The following SRGAP3 variants were observed in gnomAD, a reference collection of about 807,000 sequenced individuals.
SRGAP3 encodes SLIT-ROBO Rho GTPase activating protein 3.
A neutral mutation model predicts 121.1 loss-of-function variants in SRGAP3; 39 were observed. The observed-to-expected ratio is 0.32, with a 90% CI of 0.25 to 0.42. The LOEUF is 0.42. Among genes scored for constraint, SRGAP3 ranks in the 10% least tolerant of loss-of-function variants. The pLI is 1.00. For synonymous variants in SRGAP3, 601 were observed against 570.0 expected (o/e 1.05, Z -0.77); for missense variants, 1,213 against 1,470.6 (o/e 0.82, Z 2.86).
intron 1 of SRGAP3, among the ~76,000 whole-genome samples, chr3:9,172,254 C>T (rs1233797847): frequency 1.3e-5 from 2 of 151,896 alleles, no homozygotes; most frequent in East Asian, 1.9e-4. Flanking sequence ...CCACCATGCC[C>T]AGCTAATGGC....
At chr3:9,060,635 T>G (rs1215140284) in intron 5 of SRGAP3, among the ~76,000 whole-genome samples, 1 of 152,158 alleles carries the variant, frequency 6.6e-6, no homozygotes, top group Non-Finnish European at 1.5e-5. Flanking sequence ...TGGTGGGGTC[T>G]CACTATGTTG....
In SRGAP3 at chr3:9,098,220, A is replaced by G. The variant is rs574393460; in HGVS notation, c.423+6460T>C. The stretch of plus-strand genomic sequence containing the variant: ...GTCTCTGCTTTCAGACTGCACTGGA[A>G]GCTCCTTGAGGGAGAGGAGGACATT... On this transcript the variant is annotated intron_variant, in intron 3 of 21. Coordinates refer to ENST00000383836, the MANE Select transcript of SRGAP3 (RefSeq NM_014850.4). Among the ~76,000 whole-genome samples the G allele has an allele frequency of 2.1e-3, 321 of 152,310 alleles. 1 individual carries two copies. Among genetic ancestry groups the G allele is most frequent in the South Asian group, 4.1e-3 (20 of 4,824 alleles).
At chr3:9,105,650 C>T (rs1389183131) in intron 2 of SRGAP3, among the ~76,000 whole-genome samples, 1 of 152,150 alleles carries the variant, frequency 6.6e-6, no homozygotes, top group Non-Finnish European at 1.5e-5. Context: ...TTACCAAGCC[C>T]TCCAGGGGAT....
At chr3:9,347,055 A>G (rs1376701690) in intron 1 of SRGAP3, among the ~76,000 whole-genome samples, 1 of 152,032 alleles carries the variant, frequency 6.6e-6, no homozygotes, top group Non-Finnish European at 1.5e-5. Flanking sequence ...CGCCCTCCCA[A>G]AGTGCTGGGA....
chr3:9,191,335 T>C (rs2125138328), intron 1 of SRGAP3, among the ~76,000 whole-genome samples: 1 of 152,364 alleles, frequency 6.6e-6, no homozygotes, highest in Middle Eastern at 3.4e-3. Flanking sequence ...CTTTTATCAT[T>C]GGAAAAACAT....
chr3:9,341,732 C>G (rs994559706), intron 1 of SRGAP3, among the ~76,000 whole-genome samples: 1 of 152,158 alleles, frequency 6.6e-6, no homozygotes, highest in African/African-American at 2.4e-5. Context: ...CTCCTGACCT[C>G]AAGCAATCCA....
chr3:9,027,999 G>C, intron 12 of SRGAP3: 3 of 1,373,960 alleles, frequency 2.2e-6, no homozygotes, highest in Non-Finnish European at 3.1e-6. Context: ...CAAGAATATG[G>C]ACCCATCAGC....
intron 3 of SRGAP3, among the ~76,000 whole-genome samples, chr3:9,311,105 G>A (rs752536332): frequency 1.3e-5 from 2 of 151,946 alleles, no homozygotes; most frequent in Non-Finnish European, 2.9e-5. Flanking sequence ...AGGAGGTGGA[G>A]GTTGCAGTGA....
intron 3 of SRGAP3, among the ~76,000 whole-genome samples, chr3:9,278,413 C>T (rs1954620500): frequency 6.6e-6 from 1 of 152,114 alleles, no homozygotes; most frequent in African/African-American, 2.4e-5. Context: ...GCAGAGAGTC[C>T]CACTTGCCAC....
chr3:9,362,188 T>C (rs1271210984), intron 1 of SRGAP3, among the ~76,000 whole-genome samples: 4 of 134,722 alleles, frequency 3.0e-5, no homozygotes, highest in Non-Finnish European at 4.7e-5. Flanking sequence ...TTTTTTTTTT[T>C]TGAGATGATG....
In SRGAP3 at chr3:8,990,574, C is replaced by A. The variant is rs371641995; in HGVS notation, c.2824G>T (p.Gly942Cys). Reference sequence around the variant, plus strand: ...CCTAGGCTGCTGTGCCTGGTGGAACCGCAGGTCGACCTCATCGAGTGCCCT... The same window carrying A: ...CCTAGGCTGCTGTGCCTGGTGGAACAGCAGGTCGACCTCATCGAGTGCCCT... ...SEGHSMRSTC[G>C]STRHSSLGDH... The change falls in exon 21 of 22, where the codon GGT becomes TGT. Residue 942 changes from glycine to cysteine, a missense_variant. By Grantham distance (159) the Gly-to-Cys change is radical. Transcript: ENST00000383836. 119 of 1,589,224 alleles carry A rather than the reference C, an allele frequency of 7.5e-5. No homozygotes were observed. Among genetic ancestry groups the A allele is most frequent in the Non-Finnish European group, 1.0e-4 (117 of 1,168,254 alleles).
At chr3:9,213,455 T>C (rs1952512572) in intron 1 of SRGAP3, among the ~76,000 whole-genome samples, 1 of 152,258 alleles carries the variant, frequency 6.6e-6, no homozygotes, top group South Asian at 2.1e-4. Context: ...AGACTGCCCT[T>C]TTCATACAAA....
chr3:9,015,273 G>C (rs1226100351), intron 15 of SRGAP3, among the ~76,000 whole-genome samples: 1 of 149,922 alleles, frequency 6.7e-6, no homozygotes, highest in African/African-American at 2.5e-5. Flanking sequence ...CTGGGTCTAT[G>C]TCCCTTGCGC....
At chr3:9,338,942 T>C (rs57857251) in intron 1 of SRGAP3, among the ~76,000 whole-genome samples, 9,479 of 152,268 alleles carry the variant, frequency 0.062, 1,048 homozygotes, top group African/African-American at 0.22. Flanking sequence ...ACAAATTTCA[T>C]AAGCTAAAAA....
chr3:9,058,997 C>T lies in SRGAP3; in HGVS notation c.802-525G>A, dbSNP rs965588939. ...CCTCCCAAAGTGCTCAGATTACAAG[C>T]GTGAGCCCATCTTTCTCTTCTTTAG... On this transcript the variant is annotated intron_variant, in intron 6 of 21. Transcript: ENST00000383836. The T allele has an allele frequency of 5.4e-5, 9 of 165,562 alleles. No homozygotes were observed. In the South Asian group the frequency reaches 8.1e-4, roughly 15 times the overall value. The allele number at this position is 165,562 out of a possible 1,614,324, so 10.3% of individuals were successfully genotyped here.
chr3:8,992,760 CA>C, intron 20 of SRGAP3, 145 bp downstream of exon 20: 6 of 1,467,008 alleles, frequency 4.1e-6, no homozygotes, highest in Non-Finnish European at 5.7e-6. Context: ...CAATGCCAGC[CA>C]GCCCGCCCAG....
chr3:9,073,224 G>A (rs1946801255), intron 4 of SRGAP3, among the ~76,000 whole-genome samples: 1 of 152,180 alleles, frequency 6.6e-6, no homozygotes, highest in Non-Finnish European at 1.5e-5. Context: ...GCTCACTGCA[G>A]TCTTCACCTC....
At chr3:9,158,399 T>A (rs1250722502) in intron 1 of SRGAP3, among the ~76,000 whole-genome samples, 3 of 152,176 alleles carry the variant, frequency 2.0e-5, no homozygotes, top group African/African-American at 7.2e-5. Flanking sequence ...ATAGGTCCAC[T>A]GTCAATATTA....
At chr3:9,283,012 C>G (rs1015735990) in intron 3 of SRGAP3, among the ~76,000 whole-genome samples, 3 of 152,012 alleles carry the variant, frequency 2.0e-5, no homozygotes, top group African/African-American at 7.3e-5. Context: ...TCTCGGTTCA[C>G]TGCAATCTCT....
Sources: allele counts gnomAD v4.1 joint callset (sites outside exome capture counted in the v4.1 genomes callset), GRCh38; gene constraint gnomAD v4.1.1; transcripts MANE v1.5; gene names NCBI Gene and HGNC (gene_info 2026-07-23, HGNC 2026-07-21).